Variants in BTAF1 observed in about 807,000 individuals in gnomAD.
BTAF1 encodes B-TFIID TATA-box binding protein associated factor 1, also known as TATA-binding protein-associated factor 172.
Under a neutral mutation model 227.1 loss-of-function variants are expected in BTAF1, and 38 were observed. That is an observed-to-expected ratio of 0.17 (90% CI 0.13 to 0.22). BTAF1 has a LOEUF of 0.22. BTAF1 is among the 10% of genes least tolerant of loss of function. BTAF1 has a pLI of 1.00. For missense variants in BTAF1, 1,598 were observed against 2,204.0 expected, an observed-to-expected ratio of 0.73 and a Z score of 5.51; for synonymous variants, 742 against 751.9, an observed-to-expected ratio of 0.99 and a Z score of 0.21.
At chr10:91,973,102 T>C (rs1317111029) in intron 14 of BTAF1, among the ~76,000 whole-genome samples, 3 of 152,144 alleles carry the variant, frequency 2.0e-5, no homozygotes, top group Non-Finnish European at 4.4e-5. Context: ...GATTTCTTAG[T>C]GTTGTTAAGT....
At chr10:91,947,372 G>GT (rs550605448) in intron 4 of BTAF1, among the ~76,000 whole-genome samples, 6 of 151,702 alleles carry the variant, frequency 4.0e-5, no homozygotes, top group African/African-American at 1.5e-4. Context: ...TCGATTTTGA[G>GT]TTTTTTTTGT....
chr10:91,932,953 C>T (rs1207927067), intron 1 of BTAF1, among the ~76,000 whole-genome samples: 1 of 152,204 alleles, frequency 6.6e-6, no homozygotes, highest in Non-Finnish European at 1.5e-5. Context: ...CTCCCACCAA[C>T]AGTTCCCAGT....
intron 4 of BTAF1, among the ~76,000 whole-genome samples, chr10:91,944,150 C>G (rs543208319): frequency 1.7e-5 from 1 of 58,548 alleles, no homozygotes; most frequent in East Asian, 5.7e-4. Context: ...GAAACTCTGT[C>G]TCCAAATAAA....
chr10:91,974,405 G>A (rs1847536028), intron 14 of BTAF1, among the ~76,000 whole-genome samples: 1 of 152,172 alleles, frequency 6.6e-6, no homozygotes, highest in African/African-American at 2.4e-5. Context: ...TAATGCAGTT[G>A]TCTCTGAAAC....
At chr10:92,001,732 G>A (rs907263859) in intron 25 of BTAF1, among the ~76,000 whole-genome samples, 3 of 151,552 alleles carry the variant, frequency 2.0e-5, no homozygotes, top group Non-Finnish European at 2.9e-5. Context: ...AAATTACCAC[G>A]CCCAAAAATA....
In BTAF1 at chr10:91,992,241, G is replaced by A. The variant is rs756350522; in HGVS notation, c.2977G>A (p.Ala993Thr). 4 of 1,613,230 alleles carry A rather than the reference G, an allele frequency of 2.5e-6. No homozygotes were observed. Among genetic ancestry groups the A allele is most frequent in the Non-Finnish European group, 2.5e-6 (3 of 1,179,936 alleles). ...AAGTAGGCGAGGTCCTACCCCCAAA[G>A]CAGTAAAAGCTCAAATAGCAGATCT... Reference protein sequence around the residue: ...ITSRRGPTPKAVKAQIADLPA... With the variant: ...ITSRRGPTPKTVKAQIADLPA... The change falls in exon 21 of 38, where the codon GCA (alanine) becomes ACA (threonine). Residue 993 changes from alanine (A) to threonine (T), a missense_variant. Coordinates refer to ENST00000265990, the MANE Select transcript of BTAF1 (RefSeq NM_003972.3).
chr10:91,984,150 ATAAAGT>A, intron 18 of BTAF1, 45 bp from the exon 19 acceptor site: 2 of 1,510,594 alleles, frequency 1.3e-6, no homozygotes, highest in Non-Finnish European at 1.8e-6. Flanking sequence ...TTCTGTATCT[ATAAAGT>A]TAATGTTCAT....
chr10:91,976,662 G>A (rs1207991091), intron 14 of BTAF1, among the ~76,000 whole-genome samples: 1 of 152,112 alleles, frequency 6.6e-6, no homozygotes, highest in Non-Finnish European at 1.5e-5. Context: ...TGGACAAAAT[G>A]CTGAAAAAAA....
chr10:92,005,858 G>C (rs1244459857), intron 25 of BTAF1, among the ~76,000 whole-genome samples: 1 of 149,928 alleles, frequency 6.7e-6, no homozygotes, highest in Non-Finnish European at 1.5e-5. Flanking sequence ...TCTGGTTTAT[G>C]TTTTTGTTTT....
chr10:92,020,950 G>A (rs566516561), intron 34 of BTAF1, among the ~76,000 whole-genome samples: 31 of 151,770 alleles, frequency 2.0e-4, no homozygotes, highest in Non-Finnish European at 3.2e-4. Context: ...GACACATCTC[G>A]AATTAAGATG....
intron 22 of BTAF1, 33 bp downstream of exon 22, chr10:91,993,880 A>C: frequency 2.0e-6 from 3 of 1,508,646 alleles, no homozygotes; most frequent in Non-Finnish European, 2.7e-6. Flanking sequence ...CCAGTTTTTA[A>C]CAAATTTTAA....
chr10:92,026,959 C>G (rs1026407351), intron 36 of BTAF1, among the ~76,000 whole-genome samples, 171 bp from the exon 37 acceptor site: 3 of 152,098 alleles, frequency 2.0e-5, no homozygotes, highest in African/African-American at 7.2e-5. Context: ...CACTGTTCAT[C>G]CCTAATATTC....
chr10:92,001,966 A>C (rs1186924479), intron 25 of BTAF1, among the ~76,000 whole-genome samples: 2 of 63,302 alleles, frequency 3.2e-5, no homozygotes, highest in South Asian at 5.2e-4. Flanking sequence ...AAAAAAAAAA[A>C]ACCATATATA....
intron 34 of BTAF1, among the ~76,000 whole-genome samples, chr10:92,021,703 G>A (rs917502118): frequency 1.3e-5 from 2 of 151,824 alleles, no homozygotes; most frequent in African/African-American, 4.8e-5. Context: ...CACCACGCCC[G>A]GCTAATTTTT....
chr10:91,981,517 T>A (rs1848061530), intron 15 of BTAF1, 126 bp from the exon 16 acceptor site: 2 of 1,034,178 alleles, frequency 1.9e-6, no homozygotes, highest in Non-Finnish European at 2.7e-6. Flanking sequence ...AGCCTCTATA[T>A]TGAATTTCTA....
At chr10:92,006,926 A>G (rs780411654) in intron 25 of BTAF1, among the ~76,000 whole-genome samples, 8 of 152,228 alleles carry the variant, frequency 5.3e-5, no homozygotes, top group Non-Finnish European at 7.3e-5. Context: ...TATTTTAAGA[A>G]TATGAAACAT....
chr10:91,982,120 A>G lies in BTAF1; in HGVS notation c.1943A>G (p.Gln648Arg). The G allele has an allele frequency of 6.2e-7, 1 of 1,613,882 alleles. No individual in the cohort carries two copies. The highest frequency in any genetic ancestry group is 8.5e-7 in the Non-Finnish European group (1 of 1,179,866). The change falls in exon 17 of 38, where the codon CAG becomes CGG. Residue 648 changes from glutamine to arginine, a missense_variant. Gln to Arg is a conservative substitution (Grantham distance 43). Around this residue, in one of 10 missense-constraint regions of BTAF1, gnomAD observed 318 missense variants for 435.0 expected, o/e 0.73. Coordinates refer to ENST00000265990, the MANE Select transcript of BTAF1 (RefSeq NM_003972.3). ...GGTAAGGTGCGCCAAGGCCAAAGCC[A>G]GAATAAAGAAGTACTTCAGGAGTAT... ...TGGKVRQGQSQNKEVLQEYIA... is the reference protein window; with the variant it reads ...TGGKVRQGQSRNKEVLQEYIA...
chr10:91,964,146 A>G lies in BTAF1; in HGVS notation c.1474A>G (p.Ser492Gly), dbSNP rs1015704471. ...AGATGATCTAACAGCTTCAACAAAT[A>G]GTATTATGACTCTCCTTTCATCCTT... ...ELDDLTASTN[S>G]IMTLLSSLLT... Residue 492 changes from serine to glycine, a missense_variant, in exon 13 of 38, where the codon AGT becomes GGT. By Grantham distance (56) the Ser-to-Gly change is moderately conservative (BLOSUM62 0). This residue lies in a region of BTAF1 where 318 missense variants were observed against 435.0 expected (regional missense o/e 0.73). Coordinates refer to ENST00000265990, the MANE Select transcript of BTAF1 (RefSeq NM_003972.3). 2 of 1,612,918 alleles carry G rather than the reference A, an allele frequency of 1.2e-6. No homozygotes were observed. Among genetic ancestry groups the G allele is most frequent in the Non-Finnish European group, 1.7e-6 (2 of 1,179,284 alleles).
intron 14 of BTAF1, among the ~76,000 whole-genome samples, chr10:91,977,890 A>G (rs373266853): frequency 7.9e-5 from 12 of 152,182 alleles, no homozygotes; most frequent in African/African-American, 2.9e-4. Context: ...TCATAGCAAA[A>G]TTGAAGGGAA....
Sources: gnomAD v4.1 joint callset for allele counts (sites outside exome capture counted in the v4.1 genomes callset) on GRCh38, gnomAD v4.1.1 for gene constraint, gnomAD v4.1.1 regional missense constraint, MANE v1.5 for transcripts, NCBI Gene and HGNC (gene_info 2026-07-23, HGNC 2026-07-21) for gene names.